The following NRXN3 variants were observed in gnomAD, a reference collection of about 807,000 sequenced individuals.
NRXN3 encodes neurexin 3.
In NRXN3, 32 loss-of-function variants were observed where a neutral mutation model predicts 137.6. The ratio of observed to expected loss-of-function variants is 0.23; its 90% confidence interval spans 0.18 to 0.31. The LOEUF is 0.31. Ranked by LOEUF, NRXN3 falls within the 10% of genes least tolerant of loss-of-function variation. The pLI is 1.00. For synonymous variants in NRXN3, 798 were observed against 784.5 expected (o/e 1.02, Z -0.29); for missense variants, 1,574 against 2,062.5 (o/e 0.76, Z 4.59).
In NRXN3 at chr14:79,703,440, T is replaced by C. The variant is rs368735115; in HGVS notation, c.4014+5503T>C. Reference sequence around the variant, plus strand: ...GGGCTTTTGCGTCAGAGTTTCTGAGTTGGACTCCAGGTTTTTCCAGTTGCT... The same window carrying C: ...GGGCTTTTGCGTCAGAGTTTCTGAGCTGGACTCCAGGTTTTTCCAGTTGCT... On this transcript the variant is annotated intron_variant, in intron 19 of 20. Coordinates refer to ENST00000335750, the MANE Select transcript of NRXN3 (RefSeq NM_001330195.2). Among the ~76,000 whole-genome samples, 139 of 152,174 alleles carry C rather than the reference T, an allele frequency of 9.1e-4. 5 individuals carry two copies. The South Asian group carries it at 0.028, about 31-fold the overall frequency.
At chr14:79,233,378 A>G (rs1391656872) in intron 15 of NRXN3, among the ~76,000 whole-genome samples, 1 of 152,174 alleles carries the variant, frequency 6.6e-6, no homozygotes, top group Non-Finnish European at 1.5e-5. Context: ...TGGTAAGTTC[A>G]TTCACATGCA....
At chr14:78,427,129 G>C (rs113385966) in intron 4 of NRXN3, among the ~76,000 whole-genome samples, 16 of 152,130 alleles carry the variant, frequency 1.1e-4, no homozygotes, top group Admixed American at 1.3e-4. Context: ...AGGAGGCAGC[G>C]GTGCCCCCAC....
At chr14:79,206,961 T>C (rs2066878809) in intron 15 of NRXN3, among the ~76,000 whole-genome samples, 1 of 152,200 alleles carries the variant, frequency 6.6e-6, no homozygotes, top group Admixed American at 6.5e-5. Context: ...TGAGCCCCTT[T>C]TCCTACCGGA....
intron 15 of NRXN3, among the ~76,000 whole-genome samples, chr14:79,347,700 C>T (rs1298913580): frequency 1.3e-5 from 2 of 152,240 alleles, no homozygotes; most frequent in South Asian, 2.1e-4. Context: ...GGATTACAGG[C>T]GTGAGCCACC....
rs530482109 is a variant in NRXN3, at chr14:78,642,860, G to C, written c.758-2260G>C. On this transcript the variant is annotated intron_variant, in intron 4 of 20. Transcript: ENST00000335750. ...TGAATTTCTGCTTTATTATTTTTGG[G>C]GGGCTATTTCTGCTAAAATCCAGTA... is the stretch of plus-strand genomic sequence containing the variant. Among the ~76,000 whole-genome samples the C allele has an allele frequency of 5.2e-4, 79 of 152,248 alleles. 1 individual carries two copies. In the South Asian group the frequency reaches 0.015, roughly 29 times the overall value.
intron 15 of NRXN3, among the ~76,000 whole-genome samples, chr14:79,039,327 C>T (rs773274958): frequency 3.0e-4 from 45 of 152,116 alleles, no homozygotes; most frequent in Non-Finnish European, 5.7e-4. Context: ...GTTAATGGAA[C>T]CCATAACTGT....
intron 15 of NRXN3, among the ~76,000 whole-genome samples, chr14:79,263,672 A>G (rs1315113618): frequency 6.6e-6 from 1 of 152,224 alleles, no homozygotes; most frequent in Non-Finnish European, 1.5e-5. Flanking sequence ...ATGGTTCTTC[A>G]ACATTTCTGG....
At chr14:78,256,905 C>T (rs1472303406) in intron 2 of NRXN3, among the ~76,000 whole-genome samples, 1 of 152,202 alleles carries the variant, frequency 6.6e-6, no homozygotes, top group African/African-American at 2.4e-5. Context: ...TTACTCCTGA[C>T]TGCCTGTAGC....
intron 16 of NRXN3, among the ~76,000 whole-genome samples, chr14:79,662,421 A>G (rs1198530697): frequency 6.6e-6 from 1 of 152,148 alleles, no homozygotes; most frequent in Non-Finnish European, 1.5e-5. Context: ...TACTAGTTCC[A>G]ACTTTTAGTC....
intron 8 of NRXN3, among the ~76,000 whole-genome samples, chr14:78,747,171 C>T (rs1049290336): frequency 3.3e-5 from 5 of 152,160 alleles, no homozygotes; most frequent in Admixed American, 6.5e-5. Flanking sequence ...TTCTGCCACA[C>T]CTCTCTGGCC....
At chr14:79,026,936 T>TATATAA (rs1243202882) in intron 15 of NRXN3, among the ~76,000 whole-genome samples, 143 of 133,948 alleles carry the variant, frequency 1.1e-3, no homozygotes, top group Middle Eastern at 3.8e-3. Context: ...TATATATATA[T>TATATAA]AACTATTATA....
intron 15 of NRXN3, among the ~76,000 whole-genome samples, chr14:79,418,582 G>A (rs1046928865): frequency 1.9e-4 from 29 of 152,274 alleles, no homozygotes; most frequent in African/African-American, 7.0e-4. Context: ...GATTTTGGTG[G>A]CAAAGAAGCC....
intron 10 of NRXN3, among the ~76,000 whole-genome samples, chr14:78,943,658 A>C (rs1267922328): frequency 1.2e-5 from 1 of 85,294 alleles, no homozygotes; most frequent in African/African-American, 5.6e-5. Flanking sequence ...ATATATATAT[A>C]TATATATATA....
chr14:78,529,597 G>A (rs1215291471), intron 4 of NRXN3, among the ~76,000 whole-genome samples: 4 of 152,074 alleles, frequency 2.6e-5, no homozygotes, highest in Admixed American at 2.6e-4. Context: ...TTTTGTCTTT[G>A]CAGCTTTAGT....
chr14:78,764,450 C>A (rs944185116), intron 8 of NRXN3, among the ~76,000 whole-genome samples: 18 of 152,146 alleles, frequency 1.2e-4, no homozygotes, highest in African/African-American at 4.3e-4. Flanking sequence ...ACCACAACTT[C>A]ACCCTCACTT....
chr14:79,283,094 T>G (rs2081556718), intron 15 of NRXN3, among the ~76,000 whole-genome samples: 1 of 152,166 alleles, frequency 6.6e-6, no homozygotes, highest in Non-Finnish European at 1.5e-5. Context: ...AAGACCTAGC[T>G]AACAGCAATT....
At chr14:79,227,783 T>C (rs868468108) in intron 15 of NRXN3, among the ~76,000 whole-genome samples, 211 of 88,330 alleles carry the variant, frequency 2.4e-3, no homozygotes, top group African/African-American at 8.5e-3. Context: ...CCTTCCTTCC[T>C]TCCCTCCTCC....
chr14:78,821,610 AC>A (rs1167423990), intron 10 of NRXN3, among the ~76,000 whole-genome samples: 1 of 152,082 alleles, frequency 6.6e-6, no homozygotes, highest in Non-Finnish European at 1.5e-5. Flanking sequence ...ATGGAGCAAC[AC>A]ACATGTAGTG....
chr14:79,764,705 G>T (rs1464113746), intron 19 of NRXN3, among the ~76,000 whole-genome samples: 1 of 152,086 alleles, frequency 6.6e-6, no homozygotes, highest in Non-Finnish European at 1.5e-5. Context: ...CTGTTATGCA[G>T]AGAAATCTGA....
Sources: gnomAD v4.1 joint callset for allele counts (sites outside exome capture counted in the v4.1 genomes callset) on GRCh38, gnomAD v4.1.1 for gene constraint, MANE v1.5 for transcripts, NCBI Gene and HGNC (gene_info 2026-07-23, HGNC 2026-07-21) for gene names.